The following KCNQ5 variants were observed in gnomAD, a reference collection of about 807,000 sequenced individuals.
KCNQ5 encodes potassium voltage-gated channel subfamily KQT member 5.
A neutral mutation model predicts 98.2 loss-of-function variants in KCNQ5; 30 were observed. That is an observed-to-expected ratio of 0.31 (90% CI 0.23 to 0.41). The LOEUF (loss-of-function observed/expected upper bound fraction) is 0.41. KCNQ5 is among the 10% of genes least tolerant of loss of function. The pLI, the probability that KCNQ5 is intolerant of heterozygous loss-of-function variation, is 1.00. For synonymous variants in KCNQ5, 458 were observed against 449.4 expected (o/e 1.02, Z -0.24); for missense variants, 835 against 1,182.5 (o/e 0.71, Z 4.31).
intron 10 of KCNQ5, among the ~76,000 whole-genome samples, chr6:73,153,930 A>G (rs918629749): frequency 1.3e-5 from 2 of 151,936 alleles, no homozygotes; most frequent in African/African-American, 4.8e-5. Flanking sequence ...TGCTCTCCAA[A>G]TTGCATCTAC....
chr6:72,722,568 A>G (rs1452146062), intron 1 of KCNQ5, among the ~76,000 whole-genome samples: 1 of 152,140 alleles, frequency 6.6e-6, no homozygotes. Context: ...TCAGATGGTG[A>G]AGTTTAGAGA....
intron 3 of KCNQ5, among the ~76,000 whole-genome samples, chr6:73,063,761 AGATATAATAG>A: frequency 7.1e-6 from 1 of 140,028 alleles, no homozygotes; most frequent in African/African-American, 2.8e-5. Context: ...ATAGATAGAT[AGATATAATAG>A]ATCTACACAT....
At chr6:73,187,957 A>C (rs1765444361) in intron 11 of KCNQ5, among the ~76,000 whole-genome samples, 1 of 152,170 alleles carries the variant, frequency 6.6e-6, no homozygotes, top group African/African-American at 2.4e-5. Context: ...GCAGATCCCC[A>C]TTAGGGCAAA....
intron 1 of KCNQ5, among the ~76,000 whole-genome samples, chr6:72,657,879 C>G (rs558214316): frequency 1.0e-3 from 152 of 152,326 alleles, no homozygotes; most frequent in African/African-American, 3.5e-3. Flanking sequence ...TGTGACTTCT[C>G]CAACCTCACT....
intron 1 of KCNQ5, among the ~76,000 whole-genome samples, chr6:72,931,901 A>G (rs1264556473): frequency 6.6e-6 from 1 of 152,126 alleles, no homozygotes; most frequent in East Asian, 1.9e-4. Context: ...TGGACTGAAA[A>G]CAGGCAGGTA....
intron 1 of KCNQ5, among the ~76,000 whole-genome samples, chr6:72,762,788 A>G (rs924196100): frequency 6.6e-6 from 1 of 152,090 alleles, no homozygotes; most frequent in Admixed American, 6.6e-5. Flanking sequence ...TTACTGCTGT[A>G]TCTCATGAAT....
intron 1 of KCNQ5, among the ~76,000 whole-genome samples, chr6:72,863,323 C>A (rs1356555896): frequency 6.6e-6 from 1 of 152,162 alleles, no homozygotes; most frequent in Non-Finnish European, 1.5e-5. Context: ...CTGGGTCAAG[C>A]AAGTCTGTTT....
intron 1 of KCNQ5, among the ~76,000 whole-genome samples, chr6:72,999,186 C>T (rs1391863935): frequency 2.6e-5 from 4 of 152,154 alleles, no homozygotes; most frequent in African/African-American, 9.7e-5. Context: ...CCATGAGATT[C>T]CCAAGTCAAG....
intron 1 of KCNQ5, among the ~76,000 whole-genome samples, chr6:72,968,451 G>GAAA: frequency 6.9e-6 from 1 of 144,186 alleles, no homozygotes; most frequent in African/African-American, 2.5e-5. Context: ...AGAAATAAGT[G>GAAA]AAAAAAAAAA....
rs1770423400 is a variant in KCNQ5 at position 73,017,894 on chromosome 6, G to C, written c.489+13896G>C. Among the ~76,000 whole-genome samples, 3 of 152,040 alleles carry C rather than the reference G, an allele frequency of 2.0e-5. No homozygotes were observed. The South Asian group carries it at 6.2e-4, about 32-fold the overall frequency. ...AACTCCAGACCAAAACAGCTCTCAG[G>C]GGAGACCAGAAGGGTAGAAAGTAAA... On this transcript the variant is annotated intron_variant, in intron 2 of 13. Coordinates refer to ENST00000370398, the MANE Select transcript of KCNQ5 (RefSeq NM_019842.4).
intron 1 of KCNQ5, among the ~76,000 whole-genome samples, chr6:72,979,531 T>C (rs1768329062): frequency 6.6e-6 from 1 of 152,238 alleles, no homozygotes; most frequent in African/African-American, 2.4e-5. Flanking sequence ...TGTTTGATTT[T>C]TTTCTTGTAA....
intron 8 of KCNQ5, among the ~76,000 whole-genome samples, chr6:73,121,337 A>T (rs75727792): frequency 9.1e-5 from 12 of 131,710 alleles, no homozygotes; most frequent in Non-Finnish European, 1.4e-4. Flanking sequence ...ATCTGTAATT[A>T]AAAAAAAAAA....
intron 1 of KCNQ5, among the ~76,000 whole-genome samples, chr6:72,675,699 C>G (rs553028426): frequency 1.3e-5 from 2 of 152,290 alleles, no homozygotes; most frequent in African/African-American, 4.8e-5. Flanking sequence ...CAGAATGACT[C>G]CCAGTGAAAC....
chr6:73,020,314 T>A (rs544701313), intron 2 of KCNQ5, among the ~76,000 whole-genome samples: 1 of 152,200 alleles, frequency 6.6e-6, no homozygotes, highest in Admixed American at 6.5e-5. Flanking sequence ...CTCAATTAAT[T>A]TGCTGGAATG....
chr6:72,970,589 T>A (rs1935512), intron 1 of KCNQ5, among the ~76,000 whole-genome samples: 3 of 151,896 alleles, frequency 2.0e-5, no homozygotes, highest in Admixed American at 6.6e-5. Flanking sequence ...GCTACCTAAC[T>A]TCAAACTATA....
At chr6:72,719,566 A>G (rs1463685488) in intron 1 of KCNQ5, among the ~76,000 whole-genome samples, 1 of 152,256 alleles carries the variant, frequency 6.6e-6, no homozygotes, top group Non-Finnish European at 1.5e-5. Flanking sequence ...AGCCATGTCT[A>G]TGTGACTCCA....
intron 11 of KCNQ5, among the ~76,000 whole-genome samples, chr6:73,180,255 C>T (rs1205378954): frequency 2.0e-5 from 3 of 152,218 alleles, no homozygotes; most frequent in African/African-American, 7.2e-5. Context: ...CAGCAGTTAA[C>T]AGTTCAGAGC....
intron 1 of KCNQ5, among the ~76,000 whole-genome samples, chr6:72,969,679 A>G (rs1187878173): frequency 6.6e-6 from 1 of 152,196 alleles, no homozygotes; most frequent in East Asian, 1.9e-4. Flanking sequence ...TTCTTTGGTC[A>G]ACAAATTCTC....
intron 10 of KCNQ5, among the ~76,000 whole-genome samples, chr6:73,152,396 T>C (rs939758837): frequency 6.6e-6 from 1 of 152,186 alleles, no homozygotes; most frequent in Non-Finnish European, 1.5e-5. Context: ...TAGCTAATAT[T>C]ATCATCCAAA....
Sources: allele counts gnomAD v4.1 joint callset (sites outside exome capture counted in the v4.1 genomes callset), GRCh38; gene constraint gnomAD v4.1.1; transcripts MANE v1.5; gene names NCBI Gene and HGNC (gene_info 2026-07-23, HGNC 2026-07-21).